Variants in TFCP2L1 observed in about 807,000 individuals in gnomAD.
TFCP2L1 encodes the protein transcription factor CP2 like 1.
TFCP2L1 carries 12 observed loss-of-function variants against 72.2 expected under a neutral mutation model. The observed-to-expected ratio is 0.17, with a 90% CI of 0.11 to 0.27. The LOEUF is 0.27. Among genes scored for constraint, TFCP2L1 ranks in the 10% least tolerant of loss-of-function variants. The probability of loss-of-function intolerance (pLI) is 1.00; values close to 1 mark genes in which losing one functional copy is unlikely to be tolerated. For missense variants in TFCP2L1, 488 were observed against 624.6 expected (o/e 0.78, Z 2.33); for synonymous variants, 260 against 251.0 (o/e 1.04, Z -0.34).
intron 6 of TFCP2L1, among the ~76,000 whole-genome samples, chr2:121,246,429 C>A (rs1686483109): frequency 1.3e-5 from 2 of 152,164 alleles, no homozygotes; most frequent in South Asian, 4.1e-4. Context: ...GAGACTCTTG[C>A]TTTGATTTTT....
At position 121,225,484 on chromosome 2, in the gene TFCP2L1, G is replaced by C. The variant is rs955393817; in HGVS notation, c.1393+78C>G. 3.8e-5 allele frequency: 53 copies of C among 1,393,268 alleles called. No individual in the cohort carries two copies. The African/African-American group carries it at 6.4e-4, about 17-fold the overall frequency. 86.3% of individuals were successfully genotyped at this position (1,393,268 alleles called of 1,614,324 possible). ...GGCTTTTCCCAGGTCAGCACTCTCT[G>C]GAAGGGCCCATCCTGCAGGCAGGCC... On this transcript the variant is annotated intron_variant, in intron 14 of 14. Transcript: ENST00000263707.
chr2:121,263,494 G>A (rs200978032), intron 2 of TFCP2L1, among the ~76,000 whole-genome samples: 1,530 of 116,804 alleles, frequency 0.013, 26 homozygotes, highest in African/African-American at 0.047. Flanking sequence ...AAAAAAAAAA[G>A]GGCATACAAA....
At chr2:121,230,538 T>C (rs1686120002) in intron 13 of TFCP2L1, among the ~76,000 whole-genome samples, 1 of 152,066 alleles carries the variant, frequency 6.6e-6, no homozygotes, top group African/African-American at 2.4e-5. Context: ...CCCAGCACTT[T>C]GGAAGGCCAA....
intron 2 of TFCP2L1, among the ~76,000 whole-genome samples, chr2:121,269,145 T>C (rs1038974996): frequency 2.6e-5 from 4 of 151,786 alleles, no homozygotes; most frequent in African/African-American, 9.7e-5. Context: ...ATAATAAAAA[T>C]TTATCTTAAA....
intron 1 of TFCP2L1, among the ~76,000 whole-genome samples, chr2:121,281,833 G>C (rs1382256331): frequency 6.7e-6 from 1 of 149,132 alleles, no homozygotes; most frequent in Middle Eastern, 3.2e-3. Context: ...CTAAAGAGAG[G>C]ACAACTGGAC....
In TFCP2L1 at chr2:121,281,337, G is replaced by C. The variant is rs573974041; in HGVS notation, c.63-66C>G. 6.1e-5 allele frequency: 92 copies of C among 1,509,262 alleles called. 1 individual carries two copies. The South Asian group carries it at 1.2e-3, about 19-fold the overall frequency. 93.5% of individuals were successfully genotyped at this position (1,509,262 alleles called of 1,614,324 possible). Reference sequence around the variant, plus strand: ...GGGGGCTCCTGCACAGAGCCAGGGCGAAGCTAGAGAGACGACGCAGACCAC... The same window carrying C: ...GGGGGCTCCTGCACAGAGCCAGGGCCAAGCTAGAGAGACGACGCAGACCAC... On this transcript the variant is annotated intron_variant, in intron 1 of 14. Transcript: ENST00000263707.
intron 2 of TFCP2L1, among the ~76,000 whole-genome samples, chr2:121,253,270 T>C (rs1386998349): frequency 1.3e-5 from 2 of 152,214 alleles, no homozygotes; most frequent in Non-Finnish European, 1.5e-5. Flanking sequence ...GCTGGACGCC[T>C]TTCCCATCAG....
rs989696060 is a variant in TFCP2L1, at chr2:121,219,773, T to C, written c.*4568A>G. On this transcript the variant is annotated 3_prime_UTR_variant, in exon 15 of 15. Transcript: ENST00000263707. ...GGCATGGGCCACCACGTCCAGCTTT[T>C]TGTACGATTTTGATGGAGGGAAAAA... The C allele has an allele frequency of 6.6e-6, 1 of 152,206 alleles. No homozygotes were observed. 9.4% of individuals were successfully genotyped at this position (152,206 alleles called of 1,614,324 possible).
At chr2:121,227,720 T>TACACACACACACACACACACAC (rs144192362) in intron 13 of TFCP2L1, among the ~76,000 whole-genome samples, 4 of 147,312 alleles carry the variant, frequency 2.7e-5, no homozygotes, top group Non-Finnish European at 6.0e-5. Flanking sequence ...AAACATACAA[T>TACACACACACACACACACACAC]ACACACACAC....
At chr2:121,263,892 C>T (rs149555226) in intron 2 of TFCP2L1, among the ~76,000 whole-genome samples, 120 of 152,292 alleles carry the variant, frequency 7.9e-4, no homozygotes, top group African/African-American at 2.9e-3. Flanking sequence ...TCCCTTTTAC[C>T]ACTTAAATTC....
intron 2 of TFCP2L1, among the ~76,000 whole-genome samples, chr2:121,270,652 TATTATA>T: frequency 6.6e-6 from 1 of 152,244 alleles, no homozygotes; most frequent in East Asian, 1.9e-4. Context: ...AGATTTTGCT[TATTATA>T]TTTTTAAATG....
chr2:121,240,838 G>T, intron 7 of TFCP2L1: 1 of 748,566 alleles, frequency 1.3e-6, no homozygotes, highest in Non-Finnish European at 1.6e-6. Context: ...GGGCCGTGGG[G>T]GAGGCAGGTG....
intron 11 of TFCP2L1, among the ~76,000 whole-genome samples, chr2:121,234,745 A>G (rs1290575864): frequency 6.6e-6 from 1 of 152,252 alleles, no homozygotes; most frequent in Non-Finnish European, 1.5e-5. Context: ...CCACAGCCAC[A>G]TGTGGCCAGC....
chr2:121,256,927 G>A (rs1449028684), intron 2 of TFCP2L1, among the ~76,000 whole-genome samples: 3 of 152,062 alleles, frequency 2.0e-5, no homozygotes, highest in Non-Finnish European at 4.4e-5. Flanking sequence ...GCACCCAGCA[G>A]AGACTGGCAT....
chr2:121,242,365 G>A lies in TFCP2L1; in HGVS notation c.762C>T (p.Leu254=), dbSNP rs1277648325. The change falls in exon 7 of 15, where the codon CTC becomes CTT. Residue 254 remains leucine (L), a synonymous_variant. Transcript: ENST00000263707. ...CCGCACCCAGCCGGCTCACCTCTGT[G>A]AGGATGGTGGTTTCATAGGACGGCT... is the stretch of plus-strand genomic sequence containing the variant. The part of the protein sequence containing the change: ...KYQPSYETTI[L]TECSPWPDVA... 10 of 1,613,978 alleles carry A rather than the reference G, an allele frequency of 6.2e-6. No homozygotes were observed. Among genetic ancestry groups the A allele is most frequent in the South Asian group, 1.1e-5 (1 of 91,084 alleles).
At chr2:121,275,942 G>C (rs1413061524) in intron 2 of TFCP2L1, among the ~76,000 whole-genome samples, 1 of 152,204 alleles carries the variant, frequency 6.6e-6, no homozygotes, top group Non-Finnish European at 1.5e-5. Context: ...AGAATACTGA[G>C]AGGAACCTCT....
chr2:121,227,916 C>T (rs74957393), intron 13 of TFCP2L1, among the ~76,000 whole-genome samples: 115 of 152,348 alleles, frequency 7.5e-4, no homozygotes, highest in African/African-American at 2.5e-3. Context: ...CTCTATTCTG[C>T]TGGCCTGCTC....
chr2:121,259,350 A>G (rs746882383), intron 2 of TFCP2L1, among the ~76,000 whole-genome samples: 8 of 152,230 alleles, frequency 5.3e-5, no homozygotes, highest in African/African-American at 1.2e-4. Context: ...AAAAATATAT[A>G]TAATAGAGAT....
chr2:121,275,930 AAAG>A (rs1223003611), intron 2 of TFCP2L1, among the ~76,000 whole-genome samples: 3 of 152,230 alleles, frequency 2.0e-5, no homozygotes, highest in African/African-American at 7.2e-5. Flanking sequence ...GAACGGCTAA[AAAG>A]AATACTGAGA....
Sources: gnomAD v4.1 joint callset for allele counts (sites outside exome capture counted in the v4.1 genomes callset) on GRCh38, gnomAD v4.1.1 for gene constraint, MANE v1.5 for transcripts, NCBI Gene and HGNC (gene_info 2026-07-23, HGNC 2026-07-21) for gene names.